Variants in VPS26A observed in about 807,000 individuals in gnomAD.
VPS26A encodes vacuolar protein sorting-associated protein 26A.
In VPS26A, 22 loss-of-function variants were observed where a neutral mutation model predicts 42.4. That is an observed-to-expected ratio of 0.52 (90% CI 0.37 to 0.74). The LOEUF is 0.74. Ranked by LOEUF, VPS26A falls within the 30% of genes least tolerant of loss-of-function variation. The pLI is 0.00. For synonymous variants in VPS26A, 110 were observed against 123.5 expected (o/e 0.89, Z 0.73); for missense variants, 276 against 379.2 (o/e 0.73, Z 2.26).
intron 6 of VPS26A, among the ~76,000 whole-genome samples, chr10:69,162,989 C>CTT (rs772201489): frequency 0.18 from 26,873 of 151,984 alleles, 2,723 homozygotes; most frequent in Non-Finnish European, 0.23. Context: ...TGTATACAAG[C>CTT]AAGTACCTAT....
chr10:69,171,204 A>G lies in VPS26A; in HGVS notation c.919A>G (p.Thr307Ala). The G allele has an allele frequency of 6.2e-7, 1 of 1,613,850 alleles. No homozygotes were observed. Among genetic ancestry groups the G allele is most frequent in the Non-Finnish European group, 8.5e-7 (1 of 1,179,948 alleles). ...TCCTGAAAAACTGAGGAAACAGAGA[A>G]CAAACTTTCACCAGCGATTTGAATC... ...KAPEKLRKQRTNFHQRFESPE... is the reference protein window; with the variant it reads ...KAPEKLRKQRANFHQRFESPE... The change falls in exon 9 of 9, where the codon ACA (threonine) becomes GCA (alanine). Residue 307 changes from threonine (T) to alanine (A), a missense_variant. Thr to Ala is a moderately conservative substitution (Grantham distance 58). Transcript: ENST00000263559.
intron 1 of VPS26A, among the ~76,000 whole-genome samples, chr10:69,130,822 CATT>C (rs1286711955): frequency 6.6e-6 from 1 of 152,190 alleles, no homozygotes; most frequent in African/African-American, 2.4e-5. Flanking sequence ...TTTCACTCAA[CATT>C]ATGTGTATGA....
At chr10:69,157,587 C>T (rs1428153844) in intron 4 of VPS26A, among the ~76,000 whole-genome samples, 1 of 152,138 alleles carries the variant, frequency 6.6e-6, no homozygotes, top group Non-Finnish European at 1.5e-5. Flanking sequence ...ACTCTCAATT[C>T]AGTGTCCTTT....
intron 1 of VPS26A, among the ~76,000 whole-genome samples, chr10:69,129,005 A>C (rs1169358320): frequency 6.6e-6 from 1 of 151,480 alleles, no homozygotes; most frequent in Non-Finnish European, 1.5e-5. Flanking sequence ...TCAAAAAAAA[A>C]AAAAAAAAAA....
intron 2 of VPS26A, among the ~76,000 whole-genome samples, chr10:69,135,864 T>C (rs1202478105): frequency 6.6e-6 from 1 of 152,164 alleles, no homozygotes; most frequent in Non-Finnish European, 1.5e-5. Flanking sequence ...CAAGAAGTAG[T>C]ACTTTGCCAG....
chr10:69,124,414 G>T, intron 1 of VPS26A, 134 bp downstream of exon 1: 1 of 1,014,494 alleles, frequency 9.9e-7, no homozygotes, highest in Non-Finnish European at 1.3e-6. Flanking sequence ...TAGGCCTGTC[G>T]GGCCACCCCT....
chr10:69,144,730 C>G (rs979328431), intron 2 of VPS26A, among the ~76,000 whole-genome samples: 2 of 151,226 alleles, frequency 1.3e-5, no homozygotes, highest in African/African-American at 2.4e-5. Context: ...CTAGTTGACT[C>G]TTTTTCTCTT....
chr10:69,174,211 G>A lies in VPS26A; in HGVS notation c.*2942G>A, dbSNP rs956957430. On this transcript the variant is annotated 3_prime_UTR_variant, in exon 9 of 9. Transcript: ENST00000263559. ...TGTAACACTCAAGGCGAAGGTCCAC[G>A]GCTCCGTTAAGTCAGCGAGACCGCA... Among the ~76,000 whole-genome samples, 10 of 58,438 alleles carry A rather than the reference G, an allele frequency of 1.7e-4. No individual in the cohort carries two copies. Among genetic ancestry groups the A allele is most frequent in the Non-Finnish European group, 6.4e-4 (9 of 13,986 alleles). The allele number at this position is 58,438 out of a possible 152,430, so 38.3% of individuals were successfully genotyped here.
intron 5 of VPS26A, among the ~76,000 whole-genome samples, chr10:69,159,679 T>C (rs761696506): frequency 2.0e-5 from 3 of 152,180 alleles, no homozygotes; most frequent in Admixed American, 2.0e-4. Context: ...TAAAAAGTTA[T>C]ATATCATTCT....
intron 1 of VPS26A, among the ~76,000 whole-genome samples, chr10:69,129,440 C>A (rs1264036063): frequency 6.6e-6 from 1 of 151,830 alleles, no homozygotes; most frequent in African/African-American, 2.4e-5. Flanking sequence ...TCTCTTTTTT[C>A]TAAATTAGTT....
chr10:69,172,201 C>A lies in VPS26A; in HGVS notation c.*932C>A, dbSNP rs1841829830. The A allele has an allele frequency of 6.6e-6, 1 of 152,076 alleles. No individual in the cohort carries two copies. Among genetic ancestry groups the A allele is most frequent in the African/African-American group, 2.4e-5 (1 of 41,424 alleles). The allele number at this position is 152,076 out of a possible 1,614,324, so 9.4% of individuals were successfully genotyped here. A position where few individuals can be genotyped will look rare whatever the true frequency, so the allele number is the denominator to read the frequency against. On this transcript the variant is annotated 3_prime_UTR_variant, in exon 9 of 9. Transcript: ENST00000263559. ...TTTGGGATGGGGGACTCAGGAGGAC[C>A]TGTGAAGCATGTAGTTATCTAGATC...
At chr10:69,163,035 G>A (rs61871362) in intron 6 of VPS26A, among the ~76,000 whole-genome samples, 26,988 of 152,140 alleles carry the variant, frequency 0.18, 2,779 homozygotes, top group Non-Finnish European at 0.23. Context: ...AAATGGTGGT[G>A]TATAATGCAT....
rs1192297497 is a variant in VPS26A at position 69,151,264 on chromosome 10, C to CAAAAAAAAAAAAAAAAAAAA, written c.154-4529_154-4528insAAAAAAAAAAAAAAAAAAAA. ...TGGGCAACAGAGTGAGACTCCATGT[C>CAAAAAAAAAAAAAAAAAAAA]AAAAAAAAAAAAAAAAAAACACACA... is the stretch of plus-strand genomic sequence containing the variant. On this transcript the variant is annotated intron_variant, in intron 2 of 8. Transcript: ENST00000263559. 1.5e-3 allele frequency among the ~76,000 whole-genome samples: 47 copies of CAAAAAAAAAAAAAAAAAAAA among 30,374 alleles called. 2 individuals carry two copies. The highest frequency in any genetic ancestry group is 4.6e-3 in the African/African-American group (39 of 8,440). 19.9% of individuals were successfully genotyped at this position (30,374 alleles called of 152,430 possible).
Position 69,173,566 on chromosome 10 carries a change from T to G in VPS26A, c.*2297T>G, listed in dbSNP as rs112921367. On this transcript the variant is annotated 3_prime_UTR_variant, in exon 9 of 9. Coordinates refer to ENST00000263559, the MANE Select transcript of VPS26A (RefSeq NM_004896.5). The stretch of plus-strand genomic sequence containing the variant: ...TGAGAGGTGAAGCCAGCTGGACTTC[T>G]GAGTTGCGTGGGGACTTGGAGAACT... Among the ~76,000 whole-genome samples the G allele has an allele frequency of 2.3e-3, 349 of 152,366 alleles. No homozygotes were observed. Among genetic ancestry groups the G allele is most frequent in the African/African-American group, 7.8e-3 (324 of 41,586 alleles).
chr10:69,141,420 T>C (rs551925018), intron 2 of VPS26A, among the ~76,000 whole-genome samples: 112 of 152,026 alleles, frequency 7.4e-4, no homozygotes, highest in African/African-American at 2.5e-3. Flanking sequence ...GCAGAGTCTT[T>C]CACAAGCCAT....
chr10:69,170,797 T>C (rs997018876), intron 8 of VPS26A, among the ~76,000 whole-genome samples: 1 of 152,230 alleles, frequency 6.6e-6, no homozygotes, highest in South Asian at 2.1e-4. Context: ...TAGAAAGGGC[T>C]CTGCCTCTCT....
intron 5 of VPS26A, among the ~76,000 whole-genome samples, chr10:69,160,457 A>G (rs928466046): frequency 7.1e-6 from 1 of 140,012 alleles, no homozygotes; most frequent in African/African-American, 2.7e-5. Flanking sequence ...CGCGCCCAAC[A>G]TATTTTTTTT....
chr10:69,157,907 C>T (rs1029074998), intron 4 of VPS26A, 140 bp from the exon 5 acceptor site: 110 of 645,542 alleles, frequency 1.7e-4, no homozygotes, highest in Non-Finnish European at 7.6e-5. Context: ...GGAACTCCTT[C>T]GTGAAGTAAT....
chr10:69,149,727 G>GGT (rs1841249742), intron 2 of VPS26A, among the ~76,000 whole-genome samples: 3 of 93,962 alleles, frequency 3.2e-5, no homozygotes, highest in African/African-American at 1.5e-4. Context: ...CTTTCTTGGT[G>GGT]TTTTTTGTTT....
Sources: gnomAD v4.1 joint callset for allele counts (sites outside exome capture counted in the v4.1 genomes callset) on GRCh38, gnomAD v4.1.1 for gene constraint, MANE v1.5 for transcripts, NCBI Gene and HGNC (gene_info 2026-07-23, HGNC 2026-07-21) for gene names.